PSD3: variants seen among roughly 807,000 people sequenced by gnomAD.
PSD3 encodes the protein PH and SEC7 domain-containing protein 3.
A neutral mutation model predicts 105.5 loss-of-function variants in PSD3; 49 were observed. The ratio of observed to expected loss-of-function variants is 0.46; its 90% CI spans 0.37 to 0.59. The LOEUF is 0.59. PSD3 is among the 20% of genes least tolerant of loss of function. The pLI is 0.00. For synonymous variants in PSD3, 557 were observed against 457.8 expected, an observed-to-expected ratio of 1.22 and a Z score of -2.77; for missense variants, 1,561 against 1,263.8, an observed-to-expected ratio of 1.24 and a Z score of -3.57.
chr8:18,781,921 A>G (rs1808674930), intron 8 of PSD3, among the ~76,000 whole-genome samples: 1 of 152,036 alleles, frequency 6.6e-6, no homozygotes, highest in African/African-American at 2.4e-5. Flanking sequence ...GGTTATTTCA[A>G]AAGACCTGTC....
intron 1 of PSD3, among the ~76,000 whole-genome samples, chr8:19,048,550 A>G (rs334200): frequency 0.42 from 63,377 of 152,090 alleles, 14,254 homozygotes; most frequent in East Asian, 0.62. Context: ...ATCCGTGGAA[A>G]AGAAATGAGA....
chr8:18,903,021 C>G (rs1428147902), intron 2 of PSD3, among the ~76,000 whole-genome samples: 1 of 152,130 alleles, frequency 6.6e-6, no homozygotes, highest in African/African-American at 2.4e-5. Flanking sequence ...TCTTGTGAAC[C>G]TCCTGTGGCA....
chr8:18,977,853 T>C lies in PSD3; in HGVS notation c.21+35710A>G, dbSNP rs56271806. 4.3e-4 allele frequency among the ~76,000 whole-genome samples: 66 copies of C among 152,302 alleles called. No homozygotes were observed. The South Asian group carries it at 0.012, about 28-fold the overall frequency. ...TCCTAAAATCAACACACATTACTTATGCAATAAGATTTTAACTGTCGTAAT... is the reference window on the plus strand; with the variant it reads ...TCCTAAAATCAACACACATTACTTACGCAATAAGATTTTAACTGTCGTAAT... On this transcript the variant is annotated intron_variant, in intron 1 of 15. Coordinates refer to ENST00000327040, the MANE Select transcript of PSD3 (RefSeq NM_015310.4).
At chr8:18,912,309 G>C (rs1015590156) in intron 2 of PSD3, among the ~76,000 whole-genome samples, 1 of 152,180 alleles carries the variant, frequency 6.6e-6, no homozygotes, top group Non-Finnish European at 1.5e-5. Context: ...AAGGAAATCT[G>C]CTAGCAGGAA....
chr8:18,901,326 A>T (rs1167559327), intron 2 of PSD3, among the ~76,000 whole-genome samples: 1 of 152,238 alleles, frequency 6.6e-6, no homozygotes, highest in East Asian at 1.9e-4. Context: ...CAACAGGTAA[A>T]GTGAGTTTCT....
chr8:18,569,219 C>A (rs1423210669), intron 14 of PSD3, among the ~76,000 whole-genome samples: 2 of 132,268 alleles, frequency 1.5e-5, no homozygotes, highest in South Asian at 2.9e-4. Context: ...TGGGTATATA[C>A]CCAGTAATGG....
intron 1 of PSD3, among the ~76,000 whole-genome samples, chr8:18,955,130 T>C (rs60075374): frequency 0.39 from 59,594 of 152,026 alleles, 11,864 homozygotes; most frequent in Non-Finnish European, 0.41. Flanking sequence ...GAGGGCCAAC[T>C]GTGGCTCTGC....
intron 1 of PSD3, among the ~76,000 whole-genome samples, chr8:19,069,955 T>C (rs1376578831): frequency 6.6e-6 from 1 of 150,756 alleles, no homozygotes; most frequent in Non-Finnish European, 1.5e-5. Flanking sequence ...TTTTCTTTTT[T>C]TTTTTTTTGA....
rs1264321950 is a variant in PSD3, at chr8:18,530,841, T to A, written c.*4902A>T. 6.6e-6 allele frequency: 1 copy of A among 152,156 alleles called. No individual in the cohort carries two copies. Among genetic ancestry groups the A allele is most frequent in the Non-Finnish European group, 1.5e-5 (1 of 68,032 alleles). 9.4% of individuals were successfully genotyped at this position (152,156 alleles called of 1,614,324 possible). A position where few individuals can be genotyped will look rare whatever the true frequency, so the allele number is the denominator to read the frequency against. The stretch of plus-strand genomic sequence containing the variant: ...GCTCAAAGAATTTTCTAGCATAAAG[T>A]CTTATTAAAAATTTTAATCAAAATA... On this transcript the variant is annotated 3_prime_UTR_variant, in exon 16 of 16. Coordinates refer to ENST00000327040, the MANE Select transcript of PSD3 (RefSeq NM_015310.4).
intron 2 of PSD3, among the ~76,000 whole-genome samples, chr8:18,884,120 T>C (rs976672540): frequency 5.3e-5 from 8 of 152,102 alleles, no homozygotes; most frequent in Non-Finnish European, 1.2e-4. Flanking sequence ...TCTGATCCCT[T>C]AGTGTGAAAT....
chr8:18,940,990 T>C (rs1006153362), intron 1 of PSD3, among the ~76,000 whole-genome samples: 1 of 152,202 alleles, frequency 6.6e-6, no homozygotes. Context: ...TGTGAGCCCC[T>C]ATTGATACAT....
intron 14 of PSD3, among the ~76,000 whole-genome samples, chr8:18,558,335 A>G (rs188922419): frequency 1.2e-4 from 19 of 152,294 alleles, no homozygotes; most frequent in African/African-American, 4.3e-4. Context: ...AGCATGATGT[A>G]TTTTCCTTCT....
At chr8:18,733,035 T>C (rs1010925548) in intron 9 of PSD3, 3 of 152,162 alleles carry the variant, frequency 2.0e-5, no homozygotes, top group Admixed American at 2.0e-4. Flanking sequence ...ATGCAGACTA[T>C]AGCATCACGG....
intron 8 of PSD3, chr8:18,774,559 C>A (rs1029246149): frequency 2.1e-5 from 7 of 325,942 alleles, no homozygotes; most frequent in Non-Finnish European, 4.1e-5. Flanking sequence ...ATGCCTAGAC[C>A]TCTTACTTCT....
At chr8:18,784,742 C>G (rs76512351) in intron 8 of PSD3, among the ~76,000 whole-genome samples, 1 of 152,086 alleles carries the variant, frequency 6.6e-6, no homozygotes, top group African/African-American at 2.4e-5. Context: ...TGAAAAGGTC[C>G]TAAGTGTTGG....
intron 10 of PSD3, among the ~76,000 whole-genome samples, chr8:18,644,396 T>C (rs984117860): frequency 6.6e-6 from 1 of 152,236 alleles, no homozygotes; most frequent in African/African-American, 2.4e-5. Flanking sequence ...AGCTCCTTGC[T>C]CATAAATTCT....
chr8:18,918,194 ACCAG>A (rs1820748286), intron 2 of PSD3, among the ~76,000 whole-genome samples: 2 of 152,194 alleles, frequency 1.3e-5, no homozygotes. Context: ...CCCTCTTGAC[ACCAG>A]CTGCTCTGAC....
chr8:19,071,053 C>G, intron 1 of PSD3, among the ~76,000 whole-genome samples: 1 of 147,370 alleles, frequency 6.8e-6, no homozygotes, highest in Middle Eastern at 3.4e-3. Context: ...CTCTCTCTTT[C>G]TTTTTTTTTT....
At chr8:18,696,909 G>A (rs771781683) in intron 9 of PSD3, among the ~76,000 whole-genome samples, 3 of 152,050 alleles carry the variant, frequency 2.0e-5, no homozygotes, top group South Asian at 2.1e-4. Context: ...TAACTTTAAC[G>A]ATGCATCTTG....
Sources: allele counts gnomAD v4.1 joint callset (sites outside exome capture counted in the v4.1 genomes callset), GRCh38; gene constraint gnomAD v4.1.1; transcripts MANE v1.5; gene names NCBI Gene and HGNC (gene_info 2026-07-23, HGNC 2026-07-21).